CNTNAP2: variants seen among roughly 807,000 people sequenced by gnomAD.
CNTNAP2 encodes contactin-associated protein-like 2.
In CNTNAP2, 98 loss-of-function variants were observed where a neutral mutation model predicts 155.2. The observed-to-expected ratio is 0.63, with a 90% confidence interval of 0.54 to 0.75. The LOEUF is 0.75. CNTNAP2 is among the 30% of genes least tolerant of loss of function. CNTNAP2 has a pLI of 0.00. For missense variants in CNTNAP2, 1,727 were observed against 1,688.1 expected (o/e 1.02, Z -0.40); for synonymous variants, 651 against 631.2 (o/e 1.03, Z -0.47).
intron 13 of CNTNAP2, among the ~76,000 whole-genome samples, chr7:147,804,595 C>T (rs1798061085): frequency 6.6e-6 from 1 of 152,026 alleles, no homozygotes; most frequent in Admixed American, 6.6e-5. Flanking sequence ...ACTTTGTCAC[C>T]CAGACTGGAG....
chr7:146,283,342 G>A lies in CNTNAP2; in HGVS notation c.97+166369G>A, dbSNP rs1040713647. On this transcript the variant is annotated intron_variant, in intron 1 of 23. Coordinates refer to ENST00000361727, the MANE Select transcript of CNTNAP2 (RefSeq NM_014141.6). Reference sequence around the variant, plus strand: ...CATTTATTTATACTACTAACATCATGGGAGAAAAATGAGTGGTTCTGTTTT... The same window carrying A: ...CATTTATTTATACTACTAACATCATAGGAGAAAAATGAGTGGTTCTGTTTT... Among the ~76,000 whole-genome samples, 3 of 147,246 alleles carry A rather than the reference G, an allele frequency of 2.0e-5. No individual in the cohort carries two copies. The South Asian group carries it at 6.2e-4, about 31-fold the overall frequency.
chr7:146,986,769 T>C lies in CNTNAP2; in HGVS notation c.403-57138T>C, dbSNP rs141704382. Among the ~76,000 whole-genome samples, 538 of 152,316 alleles carry C rather than the reference T, an allele frequency of 3.5e-3. 5 individuals carry two copies. Among genetic ancestry groups the C allele is most frequent in the African/African-American group, 0.012 (496 of 41,578 alleles). On this transcript the variant is annotated intron_variant, in intron 3 of 23. Coordinates refer to ENST00000361727, the MANE Select transcript of CNTNAP2 (RefSeq NM_014141.6). ...TTTGCATTTCCCTAATTATTAGTGATGTTGAGCATTTTTTCATATATTTGT... is the reference window on the plus strand; with the variant it reads ...TTTGCATTTCCCTAATTATTAGTGACGTTGAGCATTTTTTCATATATTTGT...
intron 10 of CNTNAP2, among the ~76,000 whole-genome samples, chr7:147,423,928 C>T (rs777506567): frequency 1.3e-5 from 2 of 152,158 alleles, no homozygotes; most frequent in African/African-American, 4.8e-5. Context: ...GATTTCTTTG[C>T]TCCTCTCTCT....
chr7:147,981,038 C>G (rs932373436), intron 15 of CNTNAP2, among the ~76,000 whole-genome samples: 3 of 151,964 alleles, frequency 2.0e-5, no homozygotes, highest in African/African-American at 7.3e-5. Flanking sequence ...TGTGATCTCC[C>G]TGGTTACACA....
At chr7:147,607,410 TTCTCTCTC>T (rs371712227) in intron 12 of CNTNAP2, among the ~76,000 whole-genome samples, 2 of 149,082 alleles carry the variant, frequency 1.3e-5, no homozygotes, top group Non-Finnish European at 3.0e-5. Context: ...CTCTCTTCCT[TTCTCTCTC>T]TCTCTCTCTC....
intron 22 of CNTNAP2, among the ~76,000 whole-genome samples, chr7:148,392,076 TG>T (rs1369888813): frequency 6.6e-6 from 1 of 152,198 alleles, no homozygotes; most frequent in Non-Finnish European, 1.5e-5. Context: ...AGCTAGTTGT[TG>T]TTGTTATTAT....
intron 15 of CNTNAP2, among the ~76,000 whole-genome samples, chr7:148,068,995 A>G (rs982254206): frequency 2.0e-5 from 3 of 152,170 alleles, no homozygotes; most frequent in Admixed American, 2.0e-4. Context: ...GGAGCTCACC[A>G]GGTTCCTAAG....
At chr7:147,343,585 C>A (rs1156836017) in intron 9 of CNTNAP2, among the ~76,000 whole-genome samples, 1 of 152,104 alleles carries the variant, frequency 6.6e-6, no homozygotes, top group Non-Finnish European at 1.5e-5. Flanking sequence ...ATACCAAGTA[C>A]TTTACTAAGT....
At chr7:147,029,347 A>G (rs552281988) in intron 3 of CNTNAP2, among the ~76,000 whole-genome samples, 5 of 152,218 alleles carry the variant, frequency 3.3e-5, no homozygotes, top group Admixed American at 1.3e-4. Context: ...AGATTATTTC[A>G]TTATCATCAG....
At position 146,719,410 on chromosome 7, in the gene CNTNAP2, G is replaced by A. The variant is rs116149673; in HGVS notation, c.98-54861G>A. 6.2e-3 allele frequency among the ~76,000 whole-genome samples: 937 copies of A among 152,272 alleles called. 9 individuals are homozygous for A. Among genetic ancestry groups the A allele is most frequent in the African/African-American group, 0.021 (884 of 41,566 alleles). The stretch of plus-strand genomic sequence containing the variant: ...TATTGAGAGAAGTATAACAGTAGGA[G>A]ACAATGTTTTGCCTAATTTTTTCAG... On this transcript the variant is annotated intron_variant, in intron 1 of 23. Transcript: ENST00000361727.
At chr7:146,145,547 G>C (rs1035610309) in intron 1 of CNTNAP2, among the ~76,000 whole-genome samples, 2 of 152,180 alleles carry the variant, frequency 1.3e-5, no homozygotes, top group Non-Finnish European at 2.9e-5. Flanking sequence ...AATAGAGTGA[G>C]AAAAATTGCC....
rs557211472 is a variant in CNTNAP2, at chr7:147,083,004, C to T, written c.551-25143C>T. 6 of 152,238 alleles carry T rather than the reference C, an allele frequency of 3.9e-5. 1 individual carries two copies. Among genetic ancestry groups the T allele is most frequent in the African/African-American group, 1.4e-4 (6 of 41,558 alleles). The allele number at this position is 152,238 out of a possible 1,614,324, so 9.4% of individuals were successfully genotyped here. A position where few individuals can be genotyped will look rare whatever the true frequency, so the allele number is the denominator to read the frequency against. On this transcript the variant is annotated intron_variant, in intron 4 of 23. Coordinates refer to ENST00000361727, the MANE Select transcript of CNTNAP2 (RefSeq NM_014141.6). ...CATGTTCTTCTCAGGAATCGGCGGC[C>T]TTCCCAAAGGTGTTCTCAGCACGCC... is the stretch of plus-strand genomic sequence containing the variant.
At chr7:147,271,834 G>A in intron 8 of CNTNAP2, among the ~76,000 whole-genome samples, 1 of 152,042 alleles carries the variant, frequency 6.6e-6, no homozygotes, top group East Asian at 1.9e-4. Flanking sequence ...ATTTGGGTGG[G>A]GACATAGCCA....
At chr7:146,940,962 T>C (rs1260317883) in intron 3 of CNTNAP2, among the ~76,000 whole-genome samples, 1 of 152,156 alleles carries the variant, frequency 6.6e-6, no homozygotes, top group Non-Finnish European at 1.5e-5. Context: ...TTTTATCTGG[T>C]TTAATTCTAG....
chr7:147,836,949 G>C (rs1210846047), intron 13 of CNTNAP2, among the ~76,000 whole-genome samples: 1 of 152,122 alleles, frequency 6.6e-6, no homozygotes, highest in African/African-American at 2.4e-5. Flanking sequence ...ATTCATGAAA[G>C]TTCTGCTTTG....
intron 1 of CNTNAP2, among the ~76,000 whole-genome samples, chr7:146,713,184 A>T (rs1456182990): frequency 1.3e-5 from 2 of 152,202 alleles, no homozygotes; most frequent in Non-Finnish European, 2.9e-5. Context: ...CAAAATACTG[A>T]AAGAATTAAC....
At chr7:148,406,313 G>A (rs10265613) in intron 22 of CNTNAP2, among the ~76,000 whole-genome samples, 41,154 of 152,060 alleles carry the variant, frequency 0.27, 6,235 homozygotes, top group Non-Finnish European at 0.35. Flanking sequence ...AAATTTCTGC[G>A]TTTATCAAAA....
chr7:146,929,703 C>A (rs1315713602), intron 3 of CNTNAP2, among the ~76,000 whole-genome samples: 2 of 152,030 alleles, frequency 1.3e-5, no homozygotes, highest in African/African-American at 2.4e-5. Context: ...AAAATTTAGA[C>A]AAAAGTATAA....
chr7:147,416,909 T>G (rs913576833), intron 10 of CNTNAP2, among the ~76,000 whole-genome samples: 1 of 151,854 alleles, frequency 6.6e-6, no homozygotes, highest in African/African-American at 2.4e-5. Context: ...GCCAACATGG[T>G]GAAACCCCAT....
Sources: allele counts gnomAD v4.1 joint callset (sites outside exome capture counted in the v4.1 genomes callset), GRCh38; gene constraint gnomAD v4.1.1; transcripts MANE v1.5; gene names NCBI Gene and HGNC (gene_info 2026-07-23, HGNC 2026-07-21).